The following MYO16 variants were observed in gnomAD, a reference collection of about 807,000 sequenced individuals.
The protein encoded by MYO16 is unconventional myosin-XVI.
MYO16 carries 94 observed loss-of-function variants against 205.3 expected under a neutral mutation model. The ratio of observed to expected loss-of-function variants is 0.46; its 90% CI spans 0.39 to 0.54. The LOEUF is 0.54. MYO16 is among the 20% of genes least tolerant of loss of function. MYO16 has a pLI of 0.00. For synonymous variants in MYO16, 988 were observed against 954.0 expected, an observed-to-expected ratio of 1.04 and a Z score of -0.66; for missense variants, 2,315 against 2,387.5, an observed-to-expected ratio of 0.97 and a Z score of 0.63.
chr13:108,593,041 C>T (rs1418249777), upstream of MYO16, among the ~76,000 whole-genome samples: 3 of 152,138 alleles, frequency 2.0e-5, no homozygotes, highest in African/African-American at 7.2e-5. Context: ...CAGGTGGAAG[C>T]ACCTCGCTGG....
At position 108,603,588 on chromosome 13, in the gene MYO16, TA is replaced by T. The variant is rs1312988871; in HGVS notation, c.-39+7351del. ...TTTTTTTTCTTTCAATTCATGTGATTAACTTCTTCGGATGAACTTGTTAATT... is the reference window on the plus strand; with the variant it reads ...TTTTTTTTCTTTCAATTCATGTGATTACTTCTTCGGATGAACTTGTTAATT... On this transcript the variant is annotated intron_variant, in intron 1 of 24. Transcript: ENST00000251041. 9.2e-5 allele frequency among the ~76,000 whole-genome samples: 14 copies of T among 152,324 alleles called. No homozygotes were observed. In the East Asian group the frequency reaches 2.7e-3, roughly 29 times the overall value.
chr13:108,547,041 C>T, the MYO16 span, among the ~76,000 whole-genome samples: 1 of 151,962 alleles, frequency 6.6e-6, no homozygotes, highest in East Asian at 1.9e-4. Flanking sequence ...GGGAGGCCGA[C>T]GTGGGTGGAT....
intron 16 of MYO16, among the ~76,000 whole-genome samples, chr13:108,925,600 G>A (rs1881963830): frequency 1.3e-5 from 2 of 152,090 alleles, no homozygotes; most frequent in African/African-American, 4.8e-5. Flanking sequence ...CCAGTAAATG[G>A]CATCTCCACT....
intron 1 of MYO16, among the ~76,000 whole-genome samples, chr13:108,640,911 G>A (rs762189322): frequency 1.3e-5 from 2 of 152,216 alleles, no homozygotes; most frequent in Non-Finnish European, 2.9e-5. Flanking sequence ...AAGAGTGACT[G>A]TTCTGTCAAA....
At chr13:108,615,457 C>G (rs888169291) in intron 1 of MYO16, among the ~76,000 whole-genome samples, 2 of 151,980 alleles carry the variant, frequency 1.3e-5, no homozygotes, top group Admixed American at 6.6e-5. Context: ...TGTATAGACC[C>G]AGGAGAACTG....
chr13:108,964,737 C>G, intron 19 of MYO16, 24 bp from the exon 20 acceptor site: 4 of 1,611,980 alleles, frequency 2.5e-6, no homozygotes, highest in Non-Finnish European at 3.4e-6. Context: ...GTGCTCACTC[C>G]TCCTTTTCTT....
intron 7 of MYO16, among the ~76,000 whole-genome samples, chr13:108,817,791 A>G (rs1875712843): frequency 6.6e-6 from 1 of 152,204 alleles, no homozygotes; most frequent in Admixed American, 6.5e-5. Context: ...AAAAAATAGT[A>G]CCACCAACGT....
intron 1 of MYO16, among the ~76,000 whole-genome samples, chr13:108,631,276 G>A (rs964380565): frequency 6.6e-6 from 1 of 152,148 alleles, no homozygotes; most frequent in Non-Finnish European, 1.5e-5. Flanking sequence ...AACACACCTG[G>A]TGGAGGGCAG....
At chr13:109,138,877 G>C (rs1257546175) in intron 31 of MYO16, among the ~76,000 whole-genome samples, 1 of 152,016 alleles carries the variant, frequency 6.6e-6, no homozygotes, top group Non-Finnish European at 1.5e-5. Flanking sequence ...GAGTGCAGTG[G>C]TGCAATCTCA....
chr13:108,749,023 AG>A (rs1355421651), intron 4 of MYO16, among the ~76,000 whole-genome samples: 4 of 151,706 alleles, frequency 2.6e-5, no homozygotes, highest in South Asian at 2.1e-4. Flanking sequence ...CTCTTTTTTC[AG>A]TTTGGCAGGG....
intron 1 of MYO16, among the ~76,000 whole-genome samples, chr13:108,632,425 C>T (rs1381893814): frequency 3.9e-5 from 6 of 152,116 alleles, no homozygotes; most frequent in African/African-American, 1.4e-4. Flanking sequence ...CCATGTGCTC[C>T]TAGTGAATCA....
chr13:109,179,625 AC>A lies in MYO16; in HGVS notation c.5409del (p.Thr1804LeufsTer3). 1.2e-6 allele frequency: 2 copies of A among 1,612,070 alleles called. No individual in the cohort carries two copies. The highest frequency in any genetic ancestry group is 1.7e-6 in the Non-Finnish European group (2 of 1,178,188). On this transcript the variant is annotated frameshift_variant, in exon 34 of 35. Coordinates refer to ENST00000457511, the MANE Select transcript of MYO16 (RefSeq NM_001198950.3). LOFTEE classifies it high-confidence loss of function. ...STFQRHRDSH[T>X]TQVIHQLRLS... ...ATTTCAAAGACACAGGGACAGTCAC[AC>A]CACTCAGGTAATGATGTCTGTCTGT...
intron 22 of MYO16, among the ~76,000 whole-genome samples, chr13:109,012,819 T>C (rs1457754886): frequency 6.6e-6 from 1 of 151,678 alleles, no homozygotes; most frequent in Non-Finnish European, 1.5e-5. Flanking sequence ...TTAGTTTTAT[T>C]GTTCAGTAGT....
chr13:108,898,351 A>AGT (rs3042037), intron 15 of MYO16, among the ~76,000 whole-genome samples: 10,751 of 144,970 alleles, frequency 0.074, 435 homozygotes, highest in East Asian at 0.13. Flanking sequence ...AGGGTGTGTG[A>AGT]GTGTGTGTGT....
intron 6 of MYO16, among the ~76,000 whole-genome samples, chr13:108,803,955 G>T (rs1443655793): frequency 2.0e-5 from 3 of 152,116 alleles, no homozygotes; most frequent in Non-Finnish European, 2.9e-5. Context: ...CAAAAATGAT[G>T]GTATGAATGC....
intron 2 of MYO16, among the ~76,000 whole-genome samples, chr13:108,693,596 T>C (rs1566553856): frequency 6.6e-6 from 1 of 152,230 alleles, no homozygotes; most frequent in Non-Finnish European, 1.5e-5. Flanking sequence ...TTCCATTGCA[T>C]AGATATAAAA....
intron 1 of MYO16, among the ~76,000 whole-genome samples, chr13:108,637,797 C>T (rs911537415): frequency 2.0e-5 from 3 of 152,050 alleles, no homozygotes; most frequent in African/African-American, 2.4e-5. Context: ...ATCGCTTGAA[C>T]CCAGGAGGTA....
intron 20 of MYO16, among the ~76,000 whole-genome samples, chr13:108,979,772 T>G (rs1028221533): frequency 9.2e-5 from 14 of 152,222 alleles, no homozygotes; most frequent in Non-Finnish European, 1.9e-4. Context: ...TGTGAGACCA[T>G]TTTTATTTTC....
chr13:108,582,518 A>C, the MYO16 span, among the ~76,000 whole-genome samples: 2 of 152,224 alleles, frequency 1.3e-5, no homozygotes, highest in African/African-American at 4.8e-5. Context: ...GGAACCAGAA[A>C]GATATCTAAG....
Sources: allele counts gnomAD v4.1 joint callset (sites outside exome capture counted in the v4.1 genomes callset), GRCh38; gene constraint gnomAD v4.1.1; transcripts MANE v1.5; gene names NCBI Gene and HGNC (gene_info 2026-07-23, HGNC 2026-07-21).